The following MAPK3 variants were observed in gnomAD, a reference collection of about 807,000 sequenced individuals.
The protein encoded by MAPK3 is mitogen-activated protein kinase 3.
In MAPK3, 30 loss-of-function variants were observed where a neutral mutation model predicts 41.8. That is an observed-to-expected ratio of 0.72 (90% CI 0.54 to 0.97). The LOEUF (loss-of-function observed/expected upper bound fraction) is 0.97. MAPK3 is among the 50% of genes least tolerant of loss of function. The probability of loss-of-function intolerance (pLI) is 0.00; values close to 1 mark genes in which losing one functional copy is unlikely to be tolerated. For synonymous variants in MAPK3, 222 were observed against 213.4 expected, an observed-to-expected ratio of 1.04 and a Z score of -0.35; for missense variants, 413 against 509.9, an observed-to-expected ratio of 0.81 and a Z score of 1.83.
At chr16:30,119,454 CTTTT>C in intron 2 of MAPK3, among the ~76,000 whole-genome samples, 1 of 152,178 alleles carries the variant, frequency 6.6e-6, no homozygotes, top group African/African-American at 2.4e-5. Context: ...AATAATGGTT[CTTTT>C]GAGGGTGGTT....
chr16:30,118,224 G>A (rs1033895815), intron 3 of MAPK3, 61 bp from the exon 4 acceptor site: 42 of 1,572,020 alleles, frequency 2.7e-5, no homozygotes, highest in African/African-American at 1.6e-4. Flanking sequence ...AAGCAGTCAC[G>A]CCCCCTTGTC....
At chr16:30,122,918 G>T in intron 1 of MAPK3, 122 bp downstream of exon 1, 1 of 901,118 alleles carries the variant, frequency 1.1e-6, no homozygotes, top group Non-Finnish European at 1.5e-6. Context: ...ATCATCCCGA[G>T]TCTCCTGCCT....
chr16:30,118,289 A>G (rs2151045805), intron 3 of MAPK3, 60 bp downstream of exon 3: 2 of 1,578,878 alleles, frequency 1.3e-6, no homozygotes, highest in Non-Finnish European at 1.7e-6. Context: ...GGCTTCTTCT[A>G]CTGGTCACTG....
At chr16:30,122,111 G>T in intron 1 of MAPK3, 105 bp from the exon 2 acceptor site, 1 of 1,060,618 alleles carries the variant, frequency 9.4e-7, no homozygotes, top group Non-Finnish European at 1.4e-6. Context: ...GCAGGAGCTG[G>T]CTCTGGTCAA....
At chr16:30,120,574 T>C (rs1027957899) in intron 2 of MAPK3, among the ~76,000 whole-genome samples, 2 of 151,956 alleles carry the variant, frequency 1.3e-5, no homozygotes, top group African/African-American at 2.4e-5. Context: ...GGTGTGGCTC[T>C]GAGTGAGAAG....
At chr16:30,122,504 G>A (rs1596884004) in intron 1 of MAPK3, 2 of 190,692 alleles carry the variant, frequency 1.0e-5, no homozygotes, top group East Asian at 1.4e-4. Context: ...GGGGCCGGGG[G>A]CACTCACAGA....
At chr16:30,120,977 C>T (rs1445781297) in intron 2 of MAPK3, among the ~76,000 whole-genome samples, 1 of 151,786 alleles carries the variant, frequency 6.6e-6, no homozygotes, top group East Asian at 1.9e-4. Flanking sequence ...AGCCATTGCA[C>T]TCCACCCCTC....
chr16:30,122,127 A>T, intron 1 of MAPK3, 121 bp from the exon 2 acceptor site: 3 of 906,278 alleles, frequency 3.3e-6, no homozygotes, highest in South Asian at 2.8e-5. Context: ...GTCAAATCAT[A>T]AACAATGCTG....
intron 2 of MAPK3, among the ~76,000 whole-genome samples, chr16:30,120,159 A>C (rs1470456115): frequency 6.6e-6 from 1 of 152,052 alleles, no homozygotes; most frequent in East Asian, 1.9e-4. Context: ...ACAGAGGGAG[A>C]CTCCATCTAA....
intron 5 of MAPK3, 134 bp from the exon 6 acceptor site, chr16:30,117,419 T>C (rs1020288816): frequency 9.2e-5 from 86 of 938,896 alleles, no homozygotes; most frequent in Non-Finnish European, 1.3e-4. Flanking sequence ...GTCATTAGCA[T>C]GGTGGTGCAG....
intron 8 of MAPK3, among the ~76,000 whole-genome samples, chr16:30,115,182 G>A (rs1193338696): frequency 6.6e-6 from 1 of 152,002 alleles, no homozygotes; most frequent in East Asian, 1.9e-4. Flanking sequence ...TTGCACCACT[G>A]CATTCCAGCC....
At position 30,118,134 on chromosome 16, in the gene MAPK3, G is replaced by A. The variant is rs560383249; in HGVS notation, c.573C>T (p.Ala191=). 4.0e-5 allele frequency: 65 copies of A among 1,614,050 alleles called. No homozygotes were observed. The highest frequency in any genetic ancestry group is 5.0e-5 in the Admixed American group (3 of 60,022). Residue 191 remains alanine (A), a synonymous_variant, in exon 4 of 9, where the codon GCC becomes GCT. Coordinates refer to ENST00000263025, the MANE Select transcript of MAPK3 (RefSeq NM_002746.3). ...AGCCGGTGTGGTCATGCTCAGGATCGGCAATCCGGGCCAGGCCGAAATCAC... is the reference window on the plus strand; with the variant it reads ...AGCCGGTGTGGTCATGCTCAGGATCAGCAATCCGGGCCAGGCCGAAATCAC... The part of the protein sequence containing the change: ...KICDFGLARI[A]DPEHDHTGFL...
Position 30,118,444 on chromosome 16 carries a change from T to G in MAPK3, c.448A>C (p.Ile150Leu). The change falls in exon 3 of 9, where the codon ATC becomes CTC. Residue 150 changes from isoleucine to leucine, a missense_variant. Ile to Leu is a conservative substitution (Grantham distance 5). This residue lies in a region of MAPK3 where 140 missense variants were observed against 206.0 expected (regional missense o/e 0.68). Transcript: ENST00000263025. ...NDHICYFLYQ[I>L]LRGLKYIHSA... ...TGGATGTACTTGAGGCCCCGCAGGA[T>G]CTGGTAGAGGAAGTAGCAGATATGG... 6.2e-7 allele frequency: 1 copy of G among 1,613,878 alleles called. No individual in the cohort carries two copies. Among genetic ancestry groups the G allele is most frequent in the Non-Finnish European group, 8.5e-7 (1 of 1,179,944 alleles).
At chr16:30,117,934 A>C in intron 4 of MAPK3, 113 bp downstream of exon 4, 1 of 1,140,354 alleles carries the variant, frequency 8.8e-7, no homozygotes, top group Non-Finnish European at 1.3e-6. Flanking sequence ...GCAGAGCCCA[A>C]GGCCCAGAGG....
At chr16:30,117,407 T>A (rs2072967703) in intron 5 of MAPK3, 122 bp from the exon 6 acceptor site, 1 of 1,004,502 alleles carries the variant, frequency 1.0e-6, no homozygotes, top group Admixed American at 2.2e-5. Flanking sequence ...AGTCACCTCC[T>A]AGTCATTAGC....
chr16:30,119,485 A>C (rs966596704), intron 2 of MAPK3, among the ~76,000 whole-genome samples: 3 of 152,164 alleles, frequency 2.0e-5, no homozygotes, highest in Non-Finnish European at 4.4e-5. Flanking sequence ...ACTAGATGAG[A>C]TGGCGCATGT....
intron 2 of MAPK3, among the ~76,000 whole-genome samples, chr16:30,119,362 G>C (rs1200947672): frequency 1.3e-5 from 2 of 152,044 alleles, no homozygotes; most frequent in Non-Finnish European, 2.9e-5. Flanking sequence ...CTGTTGCCCA[G>C]GCAGGTCTTG....
intron 2 of MAPK3, 42 bp downstream of exon 2, chr16:30,121,782 G>T: frequency 6.3e-7 from 1 of 1,590,502 alleles, no homozygotes; most frequent in East Asian, 2.2e-5. Flanking sequence ...GCCCAGCTGC[G>T]AGGCCGTGCC....
intron 1 of MAPK3, 67 bp from the exon 2 acceptor site, chr16:30,122,073 A>AC: frequency 6.6e-7 from 1 of 1,506,272 alleles, no homozygotes; most frequent in South Asian, 1.1e-5. Flanking sequence ...TGGTGGCCCC[A>AC]CCCAGGCCTT....
Sources: gnomAD v4.1 joint callset for allele counts (sites outside exome capture counted in the v4.1 genomes callset) on GRCh38, gnomAD v4.1.1 for gene constraint, gnomAD v4.1.1 regional missense constraint, MANE v1.5 for transcripts, NCBI Gene and HGNC (gene_info 2026-07-23, HGNC 2026-07-21) for gene names.